EPHA4: variants seen among roughly 807,000 people sequenced by gnomAD.
EPHA4 encodes EPH receptor A4.
A neutral mutation model predicts 108.3 loss-of-function variants in EPHA4; 19 were observed. The ratio of observed to expected loss-of-function variants is 0.18; its 90% CI spans 0.12 to 0.26. The LOEUF (loss-of-function observed/expected upper bound fraction) is 0.26. Among genes scored for constraint, EPHA4 ranks in the 10% least tolerant of loss-of-function variants. The probability of loss-of-function intolerance (pLI) is 1.00; values close to 1 mark genes in which losing one functional copy is unlikely to be tolerated. For missense variants in EPHA4, 917 were observed against 1,254.0 expected, an observed-to-expected ratio of 0.73 and a Z score of 4.06; for synonymous variants, 449 against 455.5, an observed-to-expected ratio of 0.99 and a Z score of 0.18.
intron 10 of EPHA4, among the ~76,000 whole-genome samples, 184 bp downstream of exon 10, chr2:221,443,309 A>T (rs1690487325): frequency 6.6e-6 from 1 of 152,202 alleles, no homozygotes; most frequent in Admixed American, 6.5e-5. Flanking sequence ...GTTTCTCTCT[A>T]AGAATAAAAT....
chr2:221,418,574 A>C lies in EPHA4; in HGVS notation c.*2798T>G, dbSNP rs1045538605. On this transcript the variant is annotated 3_prime_UTR_variant, in exon 18 of 18. Coordinates refer to ENST00000281821, the MANE Select transcript of EPHA4 (RefSeq NM_004438.5). ...GAGGTCTCAGAATGCACACACCAGC[A>C]GTGTAGCGAGCACAACCTTTCTTTA... The C allele has an allele frequency of 1.3e-5, 2 of 152,682 alleles. No individual in the cohort carries two copies. The highest frequency in any genetic ancestry group is 4.8e-5 in the African/African-American group (2 of 41,462). 9.5% of individuals were successfully genotyped at this position (152,682 alleles called of 1,614,324 possible).
chr2:221,536,606 T>A (rs1367153854), intron 3 of EPHA4, among the ~76,000 whole-genome samples: 2 of 152,228 alleles, frequency 1.3e-5, no homozygotes, highest in Non-Finnish European at 2.9e-5. Flanking sequence ...AAAATCCCTC[T>A]AAACAATGTA....
chr2:221,516,378 G>A (rs913839495), intron 3 of EPHA4, among the ~76,000 whole-genome samples: 3 of 132,966 alleles, frequency 2.3e-5, no homozygotes, highest in African/African-American at 5.8e-5. Flanking sequence ...TTTTTGAGAC[G>A]CAGTCTTGCT....
intron 4 of EPHA4, among the ~76,000 whole-genome samples, chr2:221,498,398 A>G (rs2106155005): frequency 6.6e-6 from 1 of 152,298 alleles, no homozygotes; most frequent in African/African-American, 2.4e-5. Flanking sequence ...TCCTACAAGA[A>G]AATTGTTGGT....
chr2:221,531,937 T>C (rs1299176683), intron 3 of EPHA4, among the ~76,000 whole-genome samples: 4 of 152,182 alleles, frequency 2.6e-5, no homozygotes, highest in Admixed American at 1.3e-4. Context: ...TACCTTGTAC[T>C]GAATTTCCCA....
At chr2:221,443,737 G>A in intron 9 of EPHA4, 131 bp from the exon 10 acceptor site, 1 of 531,304 alleles carries the variant, frequency 1.9e-6, no homozygotes, top group Non-Finnish European at 3.3e-6. Flanking sequence ...TATGAAAATG[G>A]TTAAATTCTT....
chr2:221,508,710 T>C (rs1215683764), intron 3 of EPHA4, among the ~76,000 whole-genome samples: 3 of 152,136 alleles, frequency 2.0e-5, no homozygotes, highest in Admixed American at 6.5e-5. Context: ...GGACAGAGCC[T>C]GGAGTGAAAT....
intron 3 of EPHA4, among the ~76,000 whole-genome samples, chr2:221,551,860 C>G (rs1160476539): frequency 6.6e-6 from 1 of 151,834 alleles, no homozygotes; most frequent in Non-Finnish European, 1.5e-5. Context: ...CAAAAACAAC[C>G]ACACTCTTAC....
chr2:221,474,657 C>T (rs898323958), intron 5 of EPHA4, among the ~76,000 whole-genome samples: 3 of 152,236 alleles, frequency 2.0e-5, no homozygotes, highest in African/African-American at 7.2e-5. Flanking sequence ...AACGTTTCAG[C>T]AAAATCTCTC....
chr2:221,483,520 G>A (rs1338613041), intron 4 of EPHA4, among the ~76,000 whole-genome samples: 1 of 151,594 alleles, frequency 6.6e-6, no homozygotes, highest in Non-Finnish European at 1.5e-5. Context: ...GTGTGTGTGT[G>A]TGTGTGTGTG....
intron 14 of EPHA4, among the ~76,000 whole-genome samples, chr2:221,433,071 G>T (rs6746801): frequency 1.3e-5 from 2 of 151,700 alleles, no homozygotes; most frequent in African/African-American, 4.8e-5. Context: ...TGATCCACCC[G>T]CCTCGGCCTC....
intron 4 of EPHA4, among the ~76,000 whole-genome samples, chr2:221,497,017 G>A (rs778271037): frequency 8.6e-5 from 13 of 151,894 alleles, no homozygotes; most frequent in Non-Finnish European, 1.8e-4. Flanking sequence ...CCCCCCACCA[G>A]AAATCCTGGG....
chr2:221,425,951 AAAAGTGCAGTTCTTCAATT>A lies in EPHA4; in HGVS notation c.*58_*76del. ...TTTCAGAGGGCGAAGACGAAGTAAA[AAAAGTGCAGTTCTTCAATT>A]AAAGTGCATGGATGAGGTAAACTAA... is the stretch of plus-strand genomic sequence containing the variant. On this transcript the variant is annotated 3_prime_UTR_variant, in exon 17 of 18. Transcript: ENST00000281821. 1 of 1,220,812 alleles carries A rather than the reference AAAAGTGCAGTTCTTCAATT, an allele frequency of 8.2e-7. No homozygotes were observed. The highest frequency in any genetic ancestry group is 1.3e-5 in the South Asian group (1 of 78,714). The allele number at this position is 1,220,812 out of a possible 1,614,324, so 75.6% of individuals were successfully genotyped here. A position where few individuals can be genotyped will look rare whatever the true frequency, so the allele number is the denominator to read the frequency against.
chr2:221,542,051 C>G (rs946225209), intron 3 of EPHA4, among the ~76,000 whole-genome samples: 1 of 152,086 alleles, frequency 6.6e-6, no homozygotes, highest in African/African-American at 2.4e-5. Flanking sequence ...AAAATACATC[C>G]CTGGTTTCAC....
intron 3 of EPHA4, among the ~76,000 whole-genome samples, chr2:221,546,202 C>A (rs1370195534): frequency 1.3e-5 from 2 of 152,098 alleles, no homozygotes; most frequent in Non-Finnish European, 1.5e-5. Flanking sequence ...GCAGCTGAAA[C>A]CCCAGTGATT....
upstream of EPHA4, chr2:221,574,045 G>A (rs1288059963): frequency 2.0e-5 from 3 of 152,206 alleles, no homozygotes; most frequent in Non-Finnish European, 2.9e-5. Context: ...TCGAGGAGAG[G>A]ACAGGTCTCG....
At chr2:221,458,064 A>C (rs1270761581) in intron 5 of EPHA4, 74 bp from the exon 6 acceptor site, 16 of 1,540,436 alleles carry the variant, frequency 1.0e-5, no homozygotes, top group African/African-American at 6.9e-5. Context: ...GCCAGAAATA[A>C]TTTCATCTTA....
chr2:221,483,446 T>C (rs991287406), intron 4 of EPHA4, among the ~76,000 whole-genome samples: 17 of 151,916 alleles, frequency 1.1e-4, no homozygotes, highest in African/African-American at 3.4e-4. Flanking sequence ...ATAATATTAA[T>C]AATAAAAAAT....
At chr2:221,475,028 A>T (rs1482971412) in intron 5 of EPHA4, among the ~76,000 whole-genome samples, 1 of 151,840 alleles carries the variant, frequency 6.6e-6, no homozygotes, top group Non-Finnish European at 1.5e-5. Context: ...GCACCACAAC[A>T]CCCGTCTAAT....
Sources: gnomAD v4.1 joint callset for allele counts (sites outside exome capture counted in the v4.1 genomes callset) on GRCh38, gnomAD v4.1.1 for gene constraint, MANE v1.5 for transcripts, NCBI Gene and HGNC (gene_info 2026-07-23, HGNC 2026-07-21) for gene names.